Variants in GOLGA6A observed in about 807,000 individuals in gnomAD.
GOLGA6A encodes golgin A6 family member A.
A neutral mutation model predicts 53.6 loss-of-function variants in GOLGA6A; 1 was observed. The observed-to-expected ratio is 0.02, with a 90% CI of 0.01 to 0.09. GOLGA6A has a LOEUF of 0.09. Among genes scored for constraint, GOLGA6A ranks in the 10% least tolerant of loss-of-function variants. The pLI is 1.00. For synonymous variants in GOLGA6A, 6 were observed against 201.8 expected (o/e 0.03, Z 8.22); for missense variants, 23 against 509.4 (o/e 0.05, Z 9.19).
In GOLGA6A at chr15:74,075,996, AAG is replaced by A. The variant is rs2071976122; in HGVS notation, c.565-13_565-12del. ...TCTGCAGCTCGAGGACTGGATGGTG[AAG>A]AGTGAGAAGTTTTGATCTGGGGAGC... On this transcript the variant is annotated splice_polypyrimidine_tract_variant and intron_variant, in intron 7 of 17. Coordinates refer to ENST00000290438, the MANE Select transcript of GOLGA6A (RefSeq NM_001038640.2). 2 of 1,607,398 alleles carry A rather than the reference AAG, an allele frequency of 1.2e-6. No homozygotes were observed. The highest frequency in any genetic ancestry group is 2.7e-5 in the African/African-American group (2 of 74,156).
At chr15:74,072,986 G>A (rs1327286294) in intron 12 of GOLGA6A, 169 bp from the exon 13 acceptor site, 1 of 1,284,340 alleles carries the variant, frequency 7.8e-7, no homozygotes. Context: ...CCACGAACTG[G>A]GTCTGCAGCA....
intron 7 of GOLGA6A, among the ~76,000 whole-genome samples, chr15:74,076,428 C>T (rs1201408559): frequency 1.6e-5 from 2 of 121,342 alleles, no homozygotes; most frequent in Admixed American, 9.1e-5. Flanking sequence ...ATTCTCTAAG[C>T]CCATTTTTCT....
At chr15:74,076,176 GC>G (rs2071977542) in intron 7 of GOLGA6A, among the ~76,000 whole-genome samples, 191 bp from the exon 8 acceptor site, 1 of 147,636 alleles carries the variant, frequency 6.8e-6, no homozygotes, top group Non-Finnish European at 1.5e-5. Context: ...GCTAACAGAG[GC>G]CCAGAGAGAT....
Position 74,075,978 on chromosome 15 carries a change from C to T in GOLGA6A, c.572G>A (p.Ser191Asn), listed in dbSNP as rs2071975833. The T allele has an allele frequency of 6.2e-7, 1 of 1,600,938 alleles. No homozygotes were observed. The highest frequency in any genetic ancestry group is 1.1e-5 in the South Asian group (1 of 90,054). The change falls in exon 8 of 18, where the codon AGC (serine) becomes AAC (asparagine). Residue 191 changes from serine (S) to asparagine (N), a missense_variant. Physicochemically the swap from Ser to Asn is conservative, Grantham distance 46. Coordinates refer to ENST00000290438, the MANE Select transcript of GOLGA6A (RefSeq NM_001038640.2). ...CCGCTGGAGGACCGCTTCTCTGCAG[C>T]TCGAGGACTGGATGGTGAAGAGTGA... ...TQQQEEDRSS[S>N]CREAVLQRWL...
Sources: gnomAD v4.1 joint callset for allele counts (sites outside exome capture counted in the v4.1 genomes callset) on GRCh38, gnomAD v4.1.1 for gene constraint, MANE v1.5 for transcripts, NCBI Gene and HGNC (gene_info 2026-07-23, HGNC 2026-07-21) for gene names.